The following CCDC187 variants were observed in gnomAD, a reference collection of about 807,000 sequenced individuals.
CCDC187 encodes the protein coiled-coil domain containing 187.
Under a neutral mutation model 38.0 loss-of-function variants are expected in CCDC187, and 32 were observed. The observed-to-expected ratio is 0.84, with a 90% confidence interval of 0.64 to 1.13. CCDC187 has a LOEUF of 1.13. CCDC187 is among the 50% of genes most tolerant of loss of function. The probability of loss-of-function intolerance (pLI) is 0.00; values close to 1 mark genes in which losing one functional copy is unlikely to be tolerated. For synonymous variants in CCDC187, 333 were observed against 347.9 expected, an observed-to-expected ratio of 0.96 and a Z score of 0.48; for missense variants, 707 against 786.8, an observed-to-expected ratio of 0.90 and a Z score of 1.21.
At chr9:136,282,185 C>T (rs1262048142) in intron 9 of CCDC187, among the ~76,000 whole-genome samples, 1 of 152,268 alleles carries the variant, frequency 6.6e-6, no homozygotes, top group Admixed American at 6.5e-5. Flanking sequence ...CTGTGACCCT[C>T]ACCCCACTGC....
At chr9:136,282,521 T>A (rs1337302908) in intron 9 of CCDC187, among the ~76,000 whole-genome samples, 1 of 152,176 alleles carries the variant, frequency 6.6e-6, no homozygotes, top group African/African-American at 2.4e-5. Flanking sequence ...CCTGCATCTG[T>A]GAGCACGGCT....
rs1830531341 is a variant in CCDC187, at chr9:136,251,144, C to T, written c.*2450G>A. 1 of 417,514 alleles carries T rather than the reference C, an allele frequency of 2.4e-6. No individual in the cohort carries two copies. Among genetic ancestry groups the T allele is most frequent in the Non-Finnish European group, 5.0e-6 (1 of 200,452 alleles). 25.9% of individuals were successfully genotyped at this position (417,514 alleles called of 1,614,324 possible). On this transcript the variant is annotated 3_prime_UTR_variant, in exon 26 of 26. Coordinates refer to ENST00000638797, the MANE Select transcript of CCDC187 (RefSeq NM_001378188.1). ...AGGATCAGTGCTGGGACACAGATGT[C>T]CCTAAGGCCAACACGCTGCTCATCA...
At position 136,259,377 on chromosome 9, in the gene CCDC187, C is replaced by G. The variant is rs367557520; in HGVS notation, c.4282G>C (p.Gly1428Arg). ...HVSPPDGQRL[G>R]PAFPAEEAEG... ...AGAGTGCGTACGGGAAAGGCTGGGC[C>G]CAGCCGCTGTCCGTCCGGGGGGCTC... Residue 1428 changes from glycine (G) to arginine (R), a missense_variant, in exon 21 of 26, where the codon GGC becomes CGC. Gly to Arg is a moderately radical substitution (Grantham distance 125). Coordinates refer to ENST00000638797, the MANE Select transcript of CCDC187 (RefSeq NM_001378188.1). The G allele has an allele frequency of 2.1e-4, 205 of 984,936 alleles. 4 individuals carry two copies. The East Asian group carries it at 0.012, about 58-fold the overall frequency. The allele number at this position is 984,936 out of a possible 1,614,324, so 61.0% of individuals were successfully genotyped here. A position where few individuals can be genotyped will look rare whatever the true frequency, so the allele number is the denominator to read the frequency against.
chr9:136,293,176 C>T (rs921189918), intron 4 of CCDC187, among the ~76,000 whole-genome samples: 184 of 2,300 alleles, frequency 0.08, 2 homozygotes, highest in South Asian at 0.21. Flanking sequence ...CTCACATGCT[C>T]ACACACACTC....
At chr9:136,274,381 G>C (rs1299423696) in intron 14 of CCDC187, among the ~76,000 whole-genome samples, 1 of 152,266 alleles carries the variant, frequency 6.6e-6, no homozygotes, top group Non-Finnish European at 1.5e-5. Flanking sequence ...CCCCAAGGCT[G>C]GGTGGGTGGA....
chr9:136,296,093 C>T (rs1258607820), intron 4 of CCDC187: 1 of 152,296 alleles, frequency 6.6e-6, no homozygotes, highest in African/African-American at 2.4e-5. Context: ...TGCCTAGGAG[C>T]AGAGGGGCCG....
chr9:136,303,207 G>T lies in CCDC187; in HGVS notation c.230C>A (p.Pro77His). 2.5e-6 allele frequency: 1 copy of T among 398,536 alleles called. No individual in the cohort carries two copies. The highest frequency in any genetic ancestry group is 1.3e-4 in the South Asian group (1 of 7,766). The allele number at this position is 398,536 out of a possible 1,614,324, so 24.7% of individuals were successfully genotyped here. ...GAGGTCGTCAGACCCGACCACGTGG[G>T]GAGCTGCCCAGGGTGGGTCTGGCTG... Reference protein sequence around the residue: ...SQQPDPPWAAPHVVGSDDLKE... With the variant: ...SQQPDPPWAAHHVVGSDDLKE... The change falls in exon 2 of 26, where the codon CCC (proline) becomes CAC (histidine). Residue 77 changes from proline (P) to histidine (H), a missense_variant. Pro to His is a moderately conservative substitution (Grantham distance 77). Transcript: ENST00000638797.
chr9:136,270,854 C>T (rs1212586408), intron 14 of CCDC187, among the ~76,000 whole-genome samples: 1 of 152,182 alleles, frequency 6.6e-6, no homozygotes, highest in Non-Finnish European at 1.5e-5. Flanking sequence ...TCACAATGTC[C>T]CTTCAGACCT....
At chr9:136,295,266 G>A (rs1402879635) in intron 4 of CCDC187, among the ~76,000 whole-genome samples, 1 of 152,224 alleles carries the variant, frequency 6.6e-6, no homozygotes, top group Non-Finnish European at 1.5e-5. Flanking sequence ...GGACCCGCCT[G>A]GGGAGGGGCT....
chr9:136,255,362 G>A lies in CCDC187; in HGVS notation c.4694-228C>T, dbSNP rs528283304. Among the ~76,000 whole-genome samples, 16 of 151,302 alleles carry A rather than the reference G, an allele frequency of 1.1e-4. 1 individual carries two copies. The East Asian group carries it at 1.4e-3, about 13-fold the overall frequency. On this transcript the variant is annotated intron_variant, in intron 25 of 25. Coordinates refer to ENST00000638797, the MANE Select transcript of CCDC187 (RefSeq NM_001378188.1). ...ATGTCCAGGGGCCTTGCCGAGCCTC[G>A]GGCACCCGGCCTCATAGCACCACAG...
rs1368768665 is a variant in CCDC187, at chr9:136,280,143, C to T, written c.3040+1408G>A. Among the ~76,000 whole-genome samples the T allele has an allele frequency of 1.9e-4, 29 of 152,390 alleles. 1 individual carries two copies. The South Asian group carries it at 5.8e-3, about 30-fold the overall frequency. ...CTGGCTCTGAACTGCCGCCCCACCC[C>T]ACCGGCACATGCGCTTTCTGCCTCT... On this transcript the variant is annotated intron_variant, in intron 10 of 25. Transcript: ENST00000638797.
In CCDC187 at chr9:136,293,227, AC is replaced by A. The variant is rs1831390384; in HGVS notation, c.833-933del. ...CACAAACACATGCTCACACACTCAC[AC>A]TCACACGCTCACACTCACATGCTTA... On this transcript the variant is annotated intron_variant, in intron 4 of 25. Coordinates refer to ENST00000638797, the MANE Select transcript of CCDC187 (RefSeq NM_001378188.1). Among the ~76,000 whole-genome samples the A allele has an allele frequency of 4.1e-5, 6 of 144,694 alleles. No homozygotes were observed. In the South Asian group the frequency reaches 1.3e-3, roughly 32 times the overall value. The allele number at this position is 144,694 out of a possible 152,430, so 94.9% of individuals were successfully genotyped here. A position where few individuals can be genotyped will look rare whatever the true frequency, so the allele number is the denominator to read the frequency against.
At chr9:136,296,844 C>T (rs992047073) in intron 4 of CCDC187, among the ~76,000 whole-genome samples, 23 of 152,308 alleles carry the variant, frequency 1.5e-4, no homozygotes, top group African/African-American at 4.8e-4. Context: ...ACAGGATTAC[C>T]TGACTGGACT....
At chr9:136,268,624 CAG>C (rs1830788397) in intron 14 of CCDC187, among the ~76,000 whole-genome samples, 1 of 152,168 alleles carries the variant, frequency 6.6e-6, no homozygotes, top group Admixed American at 6.5e-5. Flanking sequence ...CCACCAAAGA[CAG>C]AGCAAAAGGG....
chr9:136,305,426 G>T (rs1246929353), upstream of CCDC187, among the ~76,000 whole-genome samples: 1 of 152,078 alleles, frequency 6.6e-6, no homozygotes, highest in African/African-American at 2.4e-5. Context: ...ACAGAGCCTC[G>T]CCCTGCCCAG....
At chr9:136,263,566 A>T (rs1339411972) in intron 18 of CCDC187, 56 bp downstream of exon 18, 2 of 981,292 alleles carry the variant, frequency 2.0e-6, no homozygotes, top group Non-Finnish European at 2.4e-6. Flanking sequence ...TTGCACGATC[A>T]TGGGAAGGGG....
intron 5 of CCDC187, 145 bp downstream of exon 5, chr9:136,292,016 G>C: frequency 2.5e-6 from 1 of 397,620 alleles, no homozygotes; most frequent in Non-Finnish European, 4.4e-6. Flanking sequence ...TGGGTGGCAG[G>C]TTTGGAGGGT....
rs1830629181 is a variant in CCDC187 at position 136,257,542 on chromosome 9, G to C, written c.4367-701C>G. 6.6e-6 allele frequency among the ~76,000 whole-genome samples: 1 copy of C among 152,180 alleles called. No individual in the cohort carries two copies. The highest frequency in any genetic ancestry group is 2.1e-4 in the South Asian group (1 of 4,828). Reference sequence around the variant, plus strand: ...CGGTGGGGGGCAGGCCTCGGACACAGCAAGGCCACCAGTGCACCGCCGGGG... The same window carrying C: ...CGGTGGGGGGCAGGCCTCGGACACACCAAGGCCACCAGTGCACCGCCGGGG... On this transcript the variant is annotated intron_variant, in intron 22 of 25. Coordinates refer to ENST00000638797, the MANE Select transcript of CCDC187 (RefSeq NM_001378188.1). This position sits in a 1 kb window ranked among gnomAD's most constrained non-coding sequence, Gnocchi z 4.5.
intron 4 of CCDC187, chr9:136,295,835 C>T (rs2131340633): frequency 6.6e-6 from 1 of 152,366 alleles, no homozygotes; most frequent in African/African-American, 2.4e-5. Context: ...TAAAATAAAA[C>T]AAACCAAAGA....
Sources: gnomAD v4.1 joint callset for allele counts (sites outside exome capture counted in the v4.1 genomes callset) on GRCh38, gnomAD v4.1.1 for gene constraint, Gnocchi (gnomAD v3.1) non-coding constraint, MANE v1.5 for transcripts, NCBI Gene and HGNC (gene_info 2026-07-23, HGNC 2026-07-21) for gene names.